The following PDE11A variants were observed in gnomAD, a reference collection of about 807,000 sequenced individuals.
PDE11A encodes dual 3',5'-cyclic-AMP and -GMP phosphodiesterase 11A.
In PDE11A, 100 loss-of-function variants were observed where a neutral mutation model predicts 100.5. That is an observed-to-expected ratio of 1.00 (90% CI 0.85 to 1.18). PDE11A has a LOEUF of 1.18. Ranked by LOEUF, PDE11A falls within the 50% of genes most tolerant of loss-of-function variation. PDE11A has a pLI of 0.00. For missense variants in PDE11A, 1,141 were observed against 1,152.6 expected, an observed-to-expected ratio of 0.99 and a Z score of 0.15; for synonymous variants, 381 against 420.8, an observed-to-expected ratio of 0.91 and a Z score of 1.16.
At chr2:177,824,578 A>T (rs1317859189) in intron 6 of PDE11A, among the ~76,000 whole-genome samples, 1 of 152,194 alleles carries the variant, frequency 6.6e-6, no homozygotes, top group Admixed American at 6.6e-5. Flanking sequence ...GTATAAATAC[A>T]TACTCTTTGA....
chr2:177,895,355 C>G lies in PDE11A; in HGVS notation c.1302+2703G>C, dbSNP rs182186429. On this transcript the variant is annotated intron_variant, in intron 4 of 19. Transcript: ENST00000286063. ...ATCAACTGAGGTCAGGAGTTCGAGACCAGCCTGGCCAACATGGCGAAACTC... is the reference window on the plus strand; with the variant it reads ...ATCAACTGAGGTCAGGAGTTCGAGAGCAGCCTGGCCAACATGGCGAAACTC... Among the ~76,000 whole-genome samples the G allele has an allele frequency of 9.3e-4, 142 of 152,184 alleles. 1 individual carries two copies. Among genetic ancestry groups the G allele is most frequent in the African/African-American group, 3.2e-3 (133 of 41,504 alleles).
intron 17 of PDE11A, among the ~76,000 whole-genome samples, chr2:177,674,870 T>G (rs1439894917): frequency 1.3e-5 from 2 of 152,186 alleles, no homozygotes; most frequent in Non-Finnish European, 2.9e-5. Flanking sequence ...GATTAACCTC[T>G]AAATACCATC....
intron 1 of PDE11A, among the ~76,000 whole-genome samples, chr2:178,051,514 C>A (rs1428398031): frequency 1.3e-5 from 2 of 151,978 alleles, no homozygotes; most frequent in Admixed American, 1.3e-4. Flanking sequence ...CAATATTAAC[C>A]TTAAATGTAA....
intron 2 of PDE11A, among the ~76,000 whole-genome samples, chr2:177,907,803 T>C (rs1224545638): frequency 6.6e-6 from 1 of 152,242 alleles, no homozygotes; most frequent in Non-Finnish European, 1.5e-5. Context: ...AAGATTTGGG[T>C]TGCTTACATT....
intron 6 of PDE11A, among the ~76,000 whole-genome samples, chr2:177,821,338 A>C (rs2083134827): frequency 6.6e-6 from 1 of 151,756 alleles, no homozygotes; most frequent in African/African-American, 2.4e-5. Flanking sequence ...GTAAGTATAC[A>C]GCTTAATGGA....
At chr2:178,093,403 T>G (rs78783975) in intron 2 of PDE11A, among the ~76,000 whole-genome samples, 2 of 148,624 alleles carry the variant, frequency 1.3e-5, no homozygotes, top group African/African-American at 5.3e-5. Context: ...TACTAACTCA[T>G]ATTTGCATGT....
chr2:177,839,348 C>G (rs1178929108), intron 6 of PDE11A, among the ~76,000 whole-genome samples: 2 of 152,248 alleles, frequency 1.3e-5, no homozygotes, highest in Non-Finnish European at 2.9e-5. Context: ...TGAAGTTTAA[C>G]TGTTCAGTTG....
At chr2:177,997,712 C>G (rs2086094337) in intron 2 of PDE11A, 1 of 1,550,716 alleles carries the variant, frequency 6.4e-7, no homozygotes, top group Admixed American at 1.7e-5. Context: ...AGTTTTTGGC[C>G]CAACTGGTGA....
rs566675960 is a variant in PDE11A at position 177,710,197 on chromosome 2, G to A, written c.2153+1572C>T. Among the ~76,000 whole-genome samples, 24 of 152,230 alleles carry A rather than the reference G, an allele frequency of 1.6e-4. 1 individual carries two copies. The highest frequency in any genetic ancestry group is 5.5e-4 in the African/African-American group (23 of 41,526). On this transcript the variant is annotated intron_variant, in intron 13 of 19. Transcript: ENST00000286063. ...GGCAGAGGTGGAGGGATTAGCCTCGGACGAGGGAAGGACAGCCCTCTTACC... is the reference window on the plus strand; with the variant it reads ...GGCAGAGGTGGAGGGATTAGCCTCGAACGAGGGAAGGACAGCCCTCTTACC...
At position 177,875,907 on chromosome 2, in the gene PDE11A, T is replaced by C. The variant is rs751834917; in HGVS notation, c.1319A>G (p.Lys440Arg). 1 of 1,610,574 alleles carries C rather than the reference T, an allele frequency of 6.2e-7. No homozygotes were observed. Residue 440 changes from lysine (K) to arginine (R), a missense_variant, in exon 5 of 20, where the codon AAA (lysine) becomes AGA (arginine). Lys to Arg is a conservative substitution (Grantham distance 26). Transcript: ENST00000286063. ...CTTTGGGGACATCAATTCAAAGGAT[T>C]TGGTAAATTTCACCACCTGTCGCAT... ...DIESPVVKFT[K>R]SFELMSPKCS...
At chr2:177,897,996 A>C in intron 4 of PDE11A, 62 bp downstream of exon 4, 1 of 1,353,538 alleles carries the variant, frequency 7.4e-7, no homozygotes, top group Non-Finnish European at 1.1e-6. Context: ...TTTAATTATA[A>C]ATAAACTCAA....
chr2:177,664,628 A>T (rs536666235), intron 18 of PDE11A, among the ~76,000 whole-genome samples: 1 of 152,306 alleles, frequency 6.6e-6, no homozygotes, highest in South Asian at 2.1e-4. Flanking sequence ...GGCAGACTTA[A>T]GGGAAACAAT....
intron 10 of PDE11A, among the ~76,000 whole-genome samples, chr2:177,762,241 C>T (rs114415296): frequency 0.017 from 2,625 of 152,180 alleles, 63 homozygotes; most frequent in African/African-American, 0.049. Context: ...GCCCAACAGC[C>T]AGGAGGTCGT....
At chr2:177,906,434 C>T (rs2084790060) in intron 2 of PDE11A, among the ~76,000 whole-genome samples, 1 of 152,132 alleles carries the variant, frequency 6.6e-6, no homozygotes, top group Non-Finnish European at 1.5e-5. Context: ...AATTCACATT[C>T]CCTATCGCTG....
intron 1 of PDE11A, among the ~76,000 whole-genome samples, chr2:178,041,529 C>T (rs545542890): frequency 6.6e-6 from 1 of 152,208 alleles, no homozygotes; most frequent in African/African-American, 2.4e-5. Context: ...TGTGAGCCAT[C>T]GCACCCGGCC....
At chr2:177,964,040 T>C (rs1231533392) in intron 2 of PDE11A, among the ~76,000 whole-genome samples, 3 of 152,240 alleles carry the variant, frequency 2.0e-5, no homozygotes, top group African/African-American at 7.2e-5. Context: ...TGGCTGTTTT[T>C]AAAAATTACT....
intron 5 of PDE11A, among the ~76,000 whole-genome samples, chr2:177,845,894 CCTGCAATCGCAGGCA>C (rs2083590868): frequency 6.8e-6 from 1 of 147,062 alleles, no homozygotes. Context: ...GCGGCGCGTG[CCTGCAATCGCAGGCA>C]CTCGGCAGGC....
chr2:177,821,992 C>T (rs1157631110), intron 6 of PDE11A, among the ~76,000 whole-genome samples: 1 of 151,840 alleles, frequency 6.6e-6, no homozygotes, highest in Non-Finnish European at 1.5e-5. Flanking sequence ...TGGATAAGAG[C>T]CCTCTGCAAG....
chr2:178,019,243 T>C (rs538668027), intron 1 of PDE11A, among the ~76,000 whole-genome samples: 115 of 152,304 alleles, frequency 7.6e-4, no homozygotes, highest in African/African-American at 2.2e-3. Flanking sequence ...TACTAATTTC[T>C]AAATCCTAAG....
Sources: allele counts gnomAD v4.1 joint callset (sites outside exome capture counted in the v4.1 genomes callset), GRCh38; gene constraint gnomAD v4.1.1; transcripts MANE v1.5; gene names NCBI Gene and HGNC (gene_info 2026-07-23, HGNC 2026-07-21).